Variants in IQCJ observed in about 807,000 individuals in gnomAD.
The protein encoded by IQCJ is IQ domain-containing protein J.
A neutral mutation model predicts 11.0 loss-of-function variants in IQCJ; 9 were observed. That is an observed-to-expected ratio of 0.82 (90% confidence interval 0.49 to 1.43). The LOEUF (loss-of-function observed/expected upper bound fraction) is 1.43, where lower values mean the gene tolerates loss of function less well. Ranked by LOEUF, IQCJ falls within the 40% of genes most tolerant of loss-of-function variation. IQCJ has a pLI of 0.00. For missense variants in IQCJ, 146 were observed against 133.2 expected (o/e 1.10, Z -0.47); for synonymous variants, 55 against 51.3 (o/e 1.07, Z -0.31).
chr3:159,236,193 T>A (rs1050992649), intron 1 of IQCJ, among the ~76,000 whole-genome samples: 1 of 151,360 alleles, frequency 6.6e-6, no homozygotes, highest in South Asian at 2.1e-4. Flanking sequence ...GTAACTTCCC[T>A]GTGTGAAATT....
At chr3:159,234,507 A>C (rs774305171) in intron 1 of IQCJ, among the ~76,000 whole-genome samples, 15 of 152,178 alleles carry the variant, frequency 9.9e-5, no homozygotes, top group Non-Finnish European at 2.1e-4. Context: ...CAGAAGAGTT[A>C]AATTATTGGA....
intron 1 of IQCJ, among the ~76,000 whole-genome samples, chr3:159,205,286 A>G (rs948110524): frequency 6.6e-6 from 1 of 152,226 alleles, no homozygotes; most frequent in Admixed American, 6.5e-5. Context: ...GAGAGGAAAC[A>G]TAGGACAGAG....
At chr3:159,146,083 A>G (rs941050758) in intron 1 of IQCJ, among the ~76,000 whole-genome samples, 1 of 152,196 alleles carries the variant, frequency 6.6e-6, no homozygotes, top group Non-Finnish European at 1.5e-5. Context: ...AGTGCATTCA[A>G]TTGTGATTGG....
At chr3:159,221,439 G>A (rs533431115) in intron 1 of IQCJ, among the ~76,000 whole-genome samples, 41 of 152,254 alleles carry the variant, frequency 2.7e-4, no homozygotes, top group African/African-American at 9.9e-4. Context: ...GGTCTCTGCT[G>A]CAGTCCTAGA....
intron 1 of IQCJ, among the ~76,000 whole-genome samples, chr3:159,212,591 A>G (rs1365727507): frequency 6.6e-6 from 1 of 152,202 alleles, no homozygotes; most frequent in East Asian, 1.9e-4. Context: ...CCTACACTGT[A>G]ATGATTTATT....
intron 1 of IQCJ, among the ~76,000 whole-genome samples, chr3:159,085,259 A>C (rs946058461): frequency 1.3e-5 from 2 of 151,292 alleles, no homozygotes; most frequent in Non-Finnish European, 3.0e-5. Context: ...ATCATTTTTT[A>C]TGGCTGCATA....
At chr3:159,234,730 A>T (rs1008126675) in intron 1 of IQCJ, among the ~76,000 whole-genome samples, 3 of 152,174 alleles carry the variant, frequency 2.0e-5, no homozygotes, top group East Asian at 1.9e-4. Flanking sequence ...CAAGGCCCTG[A>T]ACAAGGGTGG....
intron 1 of IQCJ, among the ~76,000 whole-genome samples, chr3:159,217,186 T>C (rs1725284180): frequency 6.6e-6 from 1 of 152,128 alleles, no homozygotes; most frequent in African/African-American, 2.4e-5. Context: ...TGGTTTGGGA[T>C]GAGGCCTGAG....
intron 1 of IQCJ, chr3:159,069,669 C>T (rs557743403): frequency 1.8e-5 from 11 of 623,234 alleles, no homozygotes; most frequent in African/African-American, 5.5e-5. Flanking sequence ...TGTGTCTGTG[C>T]GGACAGATTT....
intron 1 of IQCJ, among the ~76,000 whole-genome samples, chr3:159,220,429 G>A (rs1174940066): frequency 6.6e-6 from 1 of 152,130 alleles, no homozygotes; most frequent in Non-Finnish European, 1.5e-5. Context: ...TGGGCACTGA[G>A]GAAGGGTCAG....
chr3:159,205,133 A>T lies in IQCJ; in HGVS notation c.10-40710A>T, dbSNP rs58713453. On this transcript the variant is annotated intron_variant, in intron 1 of 3. Coordinates refer to ENST00000397832, the MANE Select transcript of IQCJ (RefSeq NM_001042706.3). ...AATTCCCAAGAGATTCTCACTTCTGACACCAACCACAAGTTTGGGGGCTTC... is the reference window on the plus strand; with the variant it reads ...AATTCCCAAGAGATTCTCACTTCTGTCACCAACCACAAGTTTGGGGGCTTC... Among the ~76,000 whole-genome samples, 1,301 of 152,310 alleles carry T rather than the reference A, an allele frequency of 8.5e-3. 19 individuals are homozygous for T. The highest frequency in any genetic ancestry group is 0.03 in the African/African-American group (1,264 of 41,550).
intron 1 of IQCJ, among the ~76,000 whole-genome samples, chr3:159,175,588 T>A (rs577428910): frequency 6.6e-6 from 1 of 152,326 alleles, no homozygotes; most frequent in Admixed American, 6.5e-5. Flanking sequence ...CTGGTCTGCT[T>A]GAGTCATCAG....
chr3:159,135,314 T>C (rs1577031511), intron 1 of IQCJ, among the ~76,000 whole-genome samples: 1 of 152,186 alleles, frequency 6.6e-6, no homozygotes, highest in African/African-American at 2.4e-5. Context: ...CCAACCACAA[T>C]TTTGACCCAG....
At chr3:159,113,179 AC>A (rs1718740068) in intron 1 of IQCJ, among the ~76,000 whole-genome samples, 1 of 152,238 alleles carries the variant, frequency 6.6e-6, no homozygotes, top group Admixed American at 6.5e-5. Flanking sequence ...TGGGGCTCCC[AC>A]CTTTATTGTG....
intron 1 of IQCJ, among the ~76,000 whole-genome samples, chr3:159,093,395 G>T (rs564167742): frequency 1.3e-5 from 2 of 151,690 alleles, no homozygotes; most frequent in Non-Finnish European, 2.9e-5. Flanking sequence ...CTAATTCTTC[G>T]ATAATAGATG....
chr3:159,232,512 A>T (rs1468437108), intron 1 of IQCJ, among the ~76,000 whole-genome samples: 6 of 130,496 alleles, frequency 4.6e-5, no homozygotes, highest in Admixed American at 9.4e-5. Context: ...GCTGGAGTGC[A>T]GTGGTGTGAT....
At chr3:159,211,663 G>A (rs528079965) in intron 1 of IQCJ, among the ~76,000 whole-genome samples, 3 of 152,316 alleles carry the variant, frequency 2.0e-5, no homozygotes, top group Middle Eastern at 3.4e-3. Flanking sequence ...AGTGAAGAGA[G>A]ACCATGAGTC....
intron 1 of IQCJ, among the ~76,000 whole-genome samples, chr3:159,130,243 C>G (rs1719915818): frequency 6.6e-6 from 1 of 152,144 alleles, no homozygotes; most frequent in Non-Finnish European, 1.5e-5. Flanking sequence ...CCTCATCTGT[C>G]TTTCTAATGT....
intron 1 of IQCJ, among the ~76,000 whole-genome samples, chr3:159,170,757 CTT>C (rs1722444821): frequency 6.6e-6 from 1 of 151,932 alleles, no homozygotes; most frequent in Non-Finnish European, 1.5e-5. Context: ...AAGTGGGAAA[CTT>C]CAGCTCCTCA....
Sources: gnomAD v4.1 joint callset for allele counts (sites outside exome capture counted in the v4.1 genomes callset) on GRCh38, gnomAD v4.1.1 for gene constraint, MANE v1.5 for transcripts, NCBI Gene and HGNC (gene_info 2026-07-23, HGNC 2026-07-21) for gene names.